The following MCM3 variants were observed in gnomAD, a reference collection of about 807,000 sequenced individuals.
MCM3 encodes minichromosome maintenance complex component 3, also known as DNA replication licensing factor MCM3.
Under a neutral mutation model 91.3 loss-of-function variants are expected in MCM3, and 59 were observed. The ratio of observed to expected loss-of-function variants is 0.65; its 90% CI spans 0.52 to 0.80. The LOEUF (loss-of-function observed/expected upper bound fraction) is 0.80, where lower values mean the gene tolerates loss of function less well. MCM3 is among the 30% of genes least tolerant of loss of function. The pLI is 0.00. For synonymous variants in MCM3, 383 were observed against 379.6 expected (o/e 1.01, Z -0.10); for missense variants, 919 against 1,035.4 (o/e 0.89, Z 1.54).
chr6:52,272,582 T>C, intron 11 of MCM3, 131 bp from the exon 12 acceptor site: 2 of 818,372 alleles, frequency 2.4e-6, no homozygotes, highest in East Asian at 2.7e-5. Flanking sequence ...CCCATTTATA[T>C]GGAACATAGA....
In MCM3 at chr6:52,272,355, T is replaced by C. The variant is rs772054162; in HGVS notation, c.1773A>G (p.Ala591=). ...GGCTGCGCAGGCGTGAATACTCTTCTGCAATGTAGGTGGCCGACTCCTGTG... is the reference window on the plus strand; with the variant it reads ...GGCTGCGCAGGCGTGAATACTCTTCCGCAATGTAGGTGGCCGACTCCTGTG... ...VLTQESATYI[A]EEYSRLRSQD... is the part of the protein sequence containing the mutation. The change falls in exon 12 of 17, where the codon GCA becomes GCG. Residue 591 remains alanine, a synonymous_variant. Coordinates refer to ENST00000596288, the MANE Select transcript of MCM3 (RefSeq NM_002388.6). The C allele has an allele frequency of 6.2e-6, 10 of 1,614,190 alleles. No homozygotes were observed. Among genetic ancestry groups the C allele is most frequent in the Middle Eastern group, 1.6e-4 (1 of 6,062 alleles).
In MCM3 at chr6:52,277,708, T is replaced by C. The variant is rs367698587; in HGVS notation, c.880-20A>G. On this transcript the variant is annotated intron_variant, in intron 6 of 16. Coordinates refer to ENST00000596288, the MANE Select transcript of MCM3 (RefSeq NM_002388.6). The stretch of plus-strand genomic sequence containing the variant: ...GATATCCTACAGGAGAAATAACCAA[T>C]GGCAAGCCTAGTGAGATTCAATGGG... 3.7e-5 allele frequency: 60 copies of C among 1,611,914 alleles called. No individual in the cohort carries two copies. The African/African-American group carries it at 7.0e-4, about 19-fold the overall frequency.
At chr6:52,270,039 T>C (rs764884210) in intron 12 of MCM3, among the ~76,000 whole-genome samples, 13 of 152,158 alleles carry the variant, frequency 8.5e-5, no homozygotes, top group Non-Finnish European at 1.9e-4. Context: ...ATGAAACTAC[T>C]TCCAGCCCGG....
chr6:52,276,594 T>A, intron 8 of MCM3, 118 bp from the exon 9 acceptor site: 1 of 857,158 alleles, frequency 1.2e-6, no homozygotes, highest in South Asian at 1.8e-5. Flanking sequence ...GCGGCAATGG[T>A]GTGTTGGCTC....
intron 8 of MCM3, among the ~76,000 whole-genome samples, chr6:52,276,773 C>G (rs896716675): frequency 6.6e-6 from 1 of 152,224 alleles, no homozygotes; most frequent in African/African-American, 2.4e-5. Context: ...TAGACCTCTG[C>G]CTTCTCTTCA....
At position 52,264,710 on chromosome 6, in the gene MCM3, T is replaced by G. The variant is rs766006669; in HGVS notation, c.2305A>C (p.Thr769Pro). The change falls in exon 17 of 17, where the codon ACA becomes CCA. Residue 769 changes from threonine (T) to proline (P), a missense_variant. This residue lies in a region of MCM3 where 285 missense variants were observed against 311.4 expected (regional missense o/e 0.92). Coordinates refer to ENST00000596288, the MANE Select transcript of MCM3 (RefSeq NM_002388.6). ...TCGCTGTCCCGGTTGATGGATTCTG[T>G]GAGGCGATTCATGCCGATTGACTGC... Reference protein sequence around the residue: ...HAQSIGMNRLTESINRDSEEP... With the variant: ...HAQSIGMNRLPESINRDSEEP... 4.3e-6 allele frequency: 7 copies of G among 1,614,012 alleles called. No individual in the cohort carries two copies. Among genetic ancestry groups the G allele is most frequent in the Non-Finnish European group, 5.9e-6 (7 of 1,180,046 alleles).
At chr6:52,268,372 A>C (rs1366362689) in intron 13 of MCM3, among the ~76,000 whole-genome samples, 4 of 152,160 alleles carry the variant, frequency 2.6e-5, no homozygotes, top group Non-Finnish European at 5.9e-5. Flanking sequence ...CCTAGCAAAA[A>C]GCGAGGAAGA....
Position 52,266,126 on chromosome 6 carries a change from G to C in MCM3, c.2177C>G (p.Ala726Gly). The C allele has an allele frequency of 6.2e-7, 1 of 1,613,974 alleles. No individual in the cohort carries two copies. The highest frequency in any genetic ancestry group is 8.5e-7 in the Non-Finnish European group (1 of 1,179,850). Residue 726 changes from alanine to glycine, a missense_variant, in exon 16 of 17, where the codon GCA becomes GGA. Coordinates refer to ENST00000596288, the MANE Select transcript of MCM3 (RefSeq NM_002388.6). ...GGATTCCTTGGTCTCCTGTGAGTCTGCCGTCTTTGGAGTGTGTACTTCAGA... is the reference window on the plus strand; with the variant it reads ...GGATTCCTTGGTCTCCTGTGAGTCTCCCGTCTTTGGAGTGTGTACTTCAGA... The part of the protein sequence containing the change: ...EMPQVHTPKT[A>G]DSQETKESQK...
At chr6:52,265,802 G>A (rs1764598737) in intron 16 of MCM3, among the ~76,000 whole-genome samples, 1 of 151,876 alleles carries the variant, frequency 6.6e-6, no homozygotes, top group Non-Finnish European at 1.5e-5. Context: ...TATCCTTATT[G>A]TAAAACTCTT....
At chr6:52,271,633 ACT>A (rs17240070) in intron 12 of MCM3, among the ~76,000 whole-genome samples, 4,026 of 152,168 alleles carry the variant, frequency 0.026, 174 homozygotes, top group African/African-American at 0.092. Context: ...CAAGAGTGAA[ACT>A]CTGTCTCACC....
At position 52,284,621 on chromosome 6, in the gene MCM3, A is replaced by G. The variant is rs1418988211; in HGVS notation, c.54T>C (p.Asp18=). The change falls in exon 1 of 17, where the codon GAT becomes GAC. Residue 18 remains aspartate (D), a synonymous_variant. Transcript: ENST00000596288. Reference sequence around the variant, plus strand: ...CCTCGTCGTCCAGGAAGTCCAGGTAATCTCTCTGAGCCTCCCGCAGCTCCA... The same window carrying G: ...CCTCGTCGTCCAGGAAGTCCAGGTAGTCTCTCTGAGCCTCCCGCAGCTCCA... ...DDVELREAQR[D]YLDFLDDEED... is the part of the protein sequence containing the mutation. The G allele has an allele frequency of 6.2e-7, 1 of 1,608,546 alleles. No individual in the cohort carries two copies.
At position 52,277,583 on chromosome 6, in the gene MCM3, G is replaced by A; in HGVS notation, c.985C>T (p.Leu329=). ...CCACGGATGTGGCTGCCATTTTCTAGGTCTCGTTCCACCCCTCCCAAGAGC... is the reference window on the plus strand; with the variant it reads ...CCACGGATGTGGCTGCCATTTTCTAAGTCTCGTTCCACCCCTCCCAAGAGC... The part of the protein sequence containing the change: ...CLLLGGVERD[L]ENGSHIRGDI... The change falls in exon 7 of 17, where the codon CTA becomes TTA. Residue 329 remains leucine, a synonymous_variant. Transcript: ENST00000596288. 6.2e-7 allele frequency: 1 copy of A among 1,613,994 alleles called. No homozygotes were observed.
At position 52,279,596 on chromosome 6, in the gene MCM3, C is replaced by T. The variant is rs766480757; in HGVS notation, c.535G>A (p.Glu179Lys). The T allele has an allele frequency of 6.2e-7, 1 of 1,609,618 alleles. No individual in the cohort carries two copies. Among genetic ancestry groups the T allele is most frequent in the South Asian group, 1.1e-5 (1 of 90,784 alleles). The change falls in exon 5 of 17, where the codon GAG becomes AAG. Residue 179 changes from glutamate to lysine, a missense_variant. By Grantham distance (56) the Glu-to-Lys change is moderately conservative (BLOSUM62 1). Coordinates refer to ENST00000596288, the MANE Select transcript of MCM3 (RefSeq NM_002388.6). ...TCTGTCTCAAGGGGATTGTTCTCCT[C>T]ATCCTAGAAAAAGGCACACAGAGGG... ...PSSSVYPTKD[E>K]ENNPLETEYG... is the part of the protein sequence containing the mutation.
chr6:52,272,848 C>T (rs774526261), intron 11 of MCM3, among the ~76,000 whole-genome samples: 2 of 152,182 alleles, frequency 1.3e-5, no homozygotes, highest in Non-Finnish European at 2.9e-5. Flanking sequence ...ATGCTTTGAG[C>T]ACCTGATCAC....
At chr6:52,282,986 A>G (rs566953490) in intron 2 of MCM3, 125 bp from the exon 3 acceptor site, 9 of 710,002 alleles carry the variant, frequency 1.3e-5, no homozygotes, top group Non-Finnish European at 1.9e-5. Flanking sequence ...TTTCTCCTAT[A>G]AGTCTCAGTA....
In MCM3 at chr6:52,282,699, G is replaced by A. The variant is rs370391228; in HGVS notation, c.354C>T (p.Ser118=). The change falls in exon 3 of 17, where the codon TCC becomes TCT. Residue 118 remains serine, a synonymous_variant. Transcript: ENST00000596288. Reference sequence around the variant, plus strand: ...CACAGACCACACAGCTGAGGAAGCAGGAGGTAAGAGTCCGCGGGGAGACGT... The same window carrying A: ...CACAGACCACACAGCTGAGGAAGCAAGAGGTAAGAGTCCGCGGGGAGACGT... ...SKHVSPRTLT[S]CFLSCVVCVE... 5.6e-6 allele frequency: 9 copies of A among 1,613,754 alleles called. No homozygotes were observed. The highest frequency in any genetic ancestry group is 4.0e-5 in the African/African-American group (3 of 74,908).
chr6:52,273,471 A>G (rs1562383423), intron 10 of MCM3, 115 bp from the exon 11 acceptor site: 1 of 1,082,000 alleles, frequency 9.2e-7, no homozygotes, highest in Non-Finnish European at 1.3e-6. Flanking sequence ...AAGGGCCCAA[A>G]AAGAATCAGA....
At chr6:52,275,551 TC>T (rs1165957404) in intron 9 of MCM3, among the ~76,000 whole-genome samples, 1 of 152,216 alleles carries the variant, frequency 6.6e-6, no homozygotes, top group East Asian at 1.9e-4. Flanking sequence ...TAACTCTTAA[TC>T]CAGTAATTTC....
rs376978468 is a variant in MCM3 at position 52,266,069 on chromosome 6, A to C, written c.2228+6T>G. 45 of 1,613,350 alleles carry C rather than the reference A, an allele frequency of 2.8e-5. No homozygotes were observed. The African/African-American group carries it at 5.5e-4, about 20-fold the overall frequency. ...TTGAAGGGGCAGGAGCAACATCCGT[A>C]CTCACCTGGATTCACTCAACTCCAC... On this transcript the variant is annotated splice_donor_region_variant and intron_variant, in intron 16 of 16. Transcript: ENST00000596288.
Sources: allele counts gnomAD v4.1 joint callset (sites outside exome capture counted in the v4.1 genomes callset), GRCh38; gene constraint gnomAD v4.1.1; regional missense constraint gnomAD v4.1.1; transcripts MANE v1.5; gene names NCBI Gene and HGNC (gene_info 2026-07-23, HGNC 2026-07-21).